Variants in KALRN observed in about 807,000 individuals in gnomAD.
KALRN encodes the protein kalirin.
KALRN carries 70 observed loss-of-function variants against 353.7 expected under a neutral mutation model. The ratio of observed to expected loss-of-function variants is 0.20; its 90% CI spans 0.16 to 0.24. The LOEUF is 0.24. Ranked by LOEUF, KALRN falls within the 10% of genes least tolerant of loss-of-function variation. The probability of loss-of-function intolerance (pLI) is 1.00; values close to 1 mark genes in which losing one functional copy is unlikely to be tolerated. For missense variants in KALRN, 2,791 were observed against 3,756.7 expected, an observed-to-expected ratio of 0.74 and a Z score of 6.72; for synonymous variants, 1,391 against 1,434.8, an observed-to-expected ratio of 0.97 and a Z score of 0.69.
intron 33 of KALRN, among the ~76,000 whole-genome samples, chr3:124,526,404 C>A (rs2067594868): frequency 6.6e-6 from 1 of 152,000 alleles, no homozygotes; most frequent in Admixed American, 6.6e-5. Flanking sequence ...GAGACCCTAT[C>A]TCTACCAAAA....
intron 1 of KALRN, among the ~76,000 whole-genome samples, chr3:124,090,397 TC>T (rs1429067445): frequency 6.6e-6 from 1 of 152,214 alleles, no homozygotes; most frequent in East Asian, 1.9e-4. Flanking sequence ...TGCCTTTCCC[TC>T]CTGCTGCCTG....
intron 9 of KALRN, among the ~76,000 whole-genome samples, chr3:124,344,013 G>A (rs1237523974): frequency 6.6e-6 from 1 of 152,218 alleles, no homozygotes; most frequent in African/African-American, 2.4e-5. Flanking sequence ...AACTGGAAAT[G>A]CTCAAATACC....
chr3:124,568,504 A>G (rs2073130559), intron 34 of KALRN, among the ~76,000 whole-genome samples: 1 of 152,254 alleles, frequency 6.6e-6, no homozygotes, highest in Non-Finnish European at 1.5e-5. Context: ...ACATCTGAGT[A>G]TATATCCAAA....
At chr3:124,141,836 A>G (rs1479409960) in intron 1 of KALRN, among the ~76,000 whole-genome samples, 3 of 151,756 alleles carry the variant, frequency 2.0e-5, no homozygotes, top group African/African-American at 7.3e-5. Flanking sequence ...TGTTCCTTGC[A>G]CCCCTTTTTC....
chr3:124,179,839 C>T (rs2073322813), intron 1 of KALRN, among the ~76,000 whole-genome samples: 1 of 152,212 alleles, frequency 6.6e-6, no homozygotes, highest in Admixed American at 6.5e-5. Context: ...AATATGGTCT[C>T]TCTTACTCTA....
Position 124,569,397 on chromosome 3 carries a change from G to A in KALRN, c.5182+6308G>A, listed in dbSNP as rs565110814. Among the ~76,000 whole-genome samples, 15 of 152,288 alleles carry A rather than the reference G, an allele frequency of 9.8e-5. No individual in the cohort carries two copies. In the East Asian group the frequency reaches 2.9e-3, roughly 29 times the overall value. Reference sequence around the variant, plus strand: ...ACCATCAACAGCCTGAGAATGCCGGGCAAGTTTGATAATGTCGACTTGTGT... The same window carrying A: ...ACCATCAACAGCCTGAGAATGCCGGACAAGTTTGATAATGTCGACTTGTGT... On this transcript the variant is annotated intron_variant, in intron 34 of 59. Coordinates refer to ENST00000682506, the MANE Select transcript of KALRN (RefSeq NM_001388419.1).
intron 10 of KALRN, among the ~76,000 whole-genome samples, chr3:124,347,538 T>G (rs1479566460): frequency 6.6e-6 from 1 of 152,006 alleles, no homozygotes; most frequent in Non-Finnish European, 1.5e-5. Context: ...AGGTGAGTGG[T>G]AAAATAGATG....
intron 1 of KALRN, among the ~76,000 whole-genome samples, chr3:124,179,983 AATGCCCGAG>A (rs1300942396): frequency 6.6e-6 from 1 of 152,248 alleles, no homozygotes; most frequent in Non-Finnish European, 1.5e-5. Flanking sequence ...TAAAGGAATG[AATGCCCGAG>A]ATACATAGTT....
rs370649882 is a variant in KALRN, at chr3:124,584,793, A to G, written c.5182+21704A>G. The G allele has an allele frequency of 4.0e-5, 64 of 1,587,308 alleles. No individual in the cohort carries two copies. The African/African-American group carries it at 7.4e-4, about 18-fold the overall frequency. On this transcript the variant is annotated intron_variant, in intron 34 of 59. Coordinates refer to ENST00000682506, the MANE Select transcript of KALRN (RefSeq NM_001388419.1). ...TCACCCCGGGCTGGCGCCCCGTGCC[A>G]TGCGGGAGCGCTGGGGCGGCGGGGC...
At chr3:124,512,541 C>T (rs916670889) in intron 33 of KALRN, among the ~76,000 whole-genome samples, 1 of 152,142 alleles carries the variant, frequency 6.6e-6, no homozygotes, top group Non-Finnish European at 1.5e-5. Flanking sequence ...ATCCCAGCTA[C>T]TCAGGAGGCT....
At chr3:124,095,017 G>T in intron 1 of KALRN, 1 of 1,024,630 alleles carries the variant, frequency 9.8e-7, no homozygotes, top group Non-Finnish European at 1.5e-6. Flanking sequence ...GTCAAGAAGA[G>T]AGAGAAGGAA....
intron 34 of KALRN, among the ~76,000 whole-genome samples, chr3:124,597,788 TAA>T (rs5852419): frequency 7.0e-6 from 1 of 142,006 alleles, no homozygotes; most frequent in African/African-American, 2.5e-5. Flanking sequence ...AATATGAGAT[TAA>T]AAAAAAACTT....
At chr3:124,345,923 C>T (rs1002599541) in intron 9 of KALRN, among the ~76,000 whole-genome samples, 3 of 152,174 alleles carry the variant, frequency 2.0e-5, no homozygotes, top group Admixed American at 6.5e-5. Context: ...CAGGGCAATC[C>T]GTTTGAGACA....
chr3:124,105,259 A>G (rs1559961745), intron 1 of KALRN, among the ~76,000 whole-genome samples: 1 of 152,220 alleles, frequency 6.6e-6, no homozygotes, highest in Non-Finnish European at 1.5e-5. Context: ...AAAGTCTGAA[A>G]AGATGAGTAG....
At chr3:124,648,108 G>A (rs1381847590) in intron 37 of KALRN, among the ~76,000 whole-genome samples, 1 of 152,190 alleles carries the variant, frequency 6.6e-6, no homozygotes, top group Non-Finnish European at 1.5e-5. Context: ...GAGAATTTTA[G>A]GTCAACCCTA....
chr3:124,323,774 G>C (rs1220741414), intron 6 of KALRN, among the ~76,000 whole-genome samples: 1 of 152,184 alleles, frequency 6.6e-6, no homozygotes, highest in Non-Finnish European at 1.5e-5. Flanking sequence ...AGATAGATCT[G>C]GGTAAGGTGG....
At position 124,492,608 on chromosome 3, in the gene KALRN, A is replaced by C. The variant is rs909721507; in HGVS notation, c.4690-132A>C. 1.4e-5 allele frequency: 13 copies of C among 928,532 alleles called. No individual in the cohort carries two copies. In the African/African-American group the frequency reaches 1.8e-4, roughly 13 times the overall value. The allele number at this position is 928,532 out of a possible 1,614,324, so 57.5% of individuals were successfully genotyped here. A position where few individuals can be genotyped will look rare whatever the true frequency, so the allele number is the denominator to read the frequency against. ...TGGTATTGAAGAGTCATAAGTATGA[A>C]ATGAGAAATAAACTCCCCAGACATT... On this transcript the variant is annotated intron_variant, in intron 31 of 59. Coordinates refer to ENST00000682506, the MANE Select transcript of KALRN (RefSeq NM_001388419.1).
chr3:124,050,833 A>C (rs1429015631), intron 1 of KALRN, among the ~76,000 whole-genome samples: 1 of 152,160 alleles, frequency 6.6e-6, no homozygotes, highest in African/African-American at 2.4e-5. Context: ...CTGCATACTA[A>C]AAAAATCCTA....
In KALRN at chr3:124,655,549, T is replaced by G. The variant is rs1266703573; in HGVS notation, c.5796-52T>G. 2.0e-5 allele frequency: 29 copies of G among 1,462,122 alleles called. No individual in the cohort carries two copies. In the Middle Eastern group the frequency reaches 8.7e-4, roughly 44 times the overall value. The allele number at this position is 1,462,122 out of a possible 1,614,324, so 90.6% of individuals were successfully genotyped here. ...CTTTTCTGTGAACTTAAGTGAAGAT[T>G]TTTGGCTTAACAATGAAGAGGAACA... On this transcript the variant is annotated intron_variant, in intron 38 of 59. Transcript: ENST00000682506.
Sources: allele counts gnomAD v4.1 joint callset (sites outside exome capture counted in the v4.1 genomes callset), GRCh38; gene constraint gnomAD v4.1.1; transcripts MANE v1.5; gene names NCBI Gene and HGNC (gene_info 2026-07-23, HGNC 2026-07-21).